Variants in TTC14 observed in about 807,000 individuals in gnomAD.
TTC14 encodes the protein tetratricopeptide repeat domain 14.
A neutral mutation model predicts 79.9 loss-of-function variants in TTC14; 63 were observed. That is an observed-to-expected ratio of 0.79 (90% CI 0.64 to 0.97). The LOEUF is 0.97. Among genes scored for constraint, TTC14 ranks in the 50% least tolerant of loss-of-function variants. TTC14 has a pLI of 0.00. For missense variants in TTC14, 895 were observed against 894.0 expected, an observed-to-expected ratio of 1.00 and a Z score of -0.01; for synonymous variants, 335 against 309.6, an observed-to-expected ratio of 1.08 and a Z score of -0.86.
At chr3:180,606,394 T>C (rs1437783252) in intron 8 of TTC14, 22 bp downstream of exon 8, 2 of 1,613,718 alleles carry the variant, frequency 1.2e-6, no homozygotes, top group Non-Finnish European at 1.7e-6. Context: ...ATACATGGAT[T>C]TTAAGGAATG....
chr3:180,609,065 A>G, intron 11 of TTC14: 1 of 939,510 alleles, frequency 1.1e-6, no homozygotes, highest in Non-Finnish European at 1.3e-6. Context: ...ATTATGTTTT[A>G]GGAAGAAATA....
Position 180,602,664 on chromosome 3 carries a change from C to T in TTC14, c.162-227C>T, listed in dbSNP as rs932510191. 22 of 705,680 alleles carry T rather than the reference C, an allele frequency of 3.1e-5. No homozygotes were observed. The African/African-American group carries it at 3.6e-4, about 12-fold the overall frequency. The allele number at this position is 705,680 out of a possible 1,614,324, so 43.7% of individuals were successfully genotyped here. On this transcript the variant is annotated intron_variant, in intron 1 of 11. Coordinates refer to ENST00000296015, the MANE Select transcript of TTC14 (RefSeq NM_133462.4). ...GGCGCAGATTCCTTAGCTAAAAATC[C>T]CTTGAGCTTTCCTATCTGAGTTGGA...
At chr3:180,614,235 G>A (rs559363718), downstream of TTC14, 1 of 160,104 alleles carries the variant, frequency 6.2e-6, no homozygotes, top group East Asian at 1.8e-4. Context: ...TTTATACTTG[G>A]TTGGCTGTAT....
intron 7 of TTC14, chr3:180,606,038 C>G (rs568447192): frequency 1.2e-6 from 1 of 833,126 alleles, no homozygotes; most frequent in Non-Finnish European, 1.8e-6. Flanking sequence ...TCAGTTTTCT[C>G]AAAAGGAATT....
intron 12 of TTC14, chr3:180,616,623 T>C: frequency 6.3e-7 from 1 of 1,596,010 alleles, no homozygotes; most frequent in Non-Finnish European, 8.5e-7. Flanking sequence ...TCACGAAGTT[T>C]GATGTCTTGT....
chr3:180,604,176 C>G lies in TTC14; in HGVS notation c.487-49C>G. ...AACTAAGATAAAAGAAGACACTGTTCTTATCAAAGCTTGAAATGTCTGGTG... is the reference window on the plus strand; with the variant it reads ...AACTAAGATAAAAGAAGACACTGTTGTTATCAAAGCTTGAAATGTCTGGTG... On this transcript the variant is annotated intron_variant, in intron 3 of 11. Coordinates refer to ENST00000296015, the MANE Select transcript of TTC14 (RefSeq NM_133462.4). 2.0e-6 allele frequency: 3 copies of G among 1,498,562 alleles called. No homozygotes were observed. In the South Asian group the frequency reaches 3.4e-5, roughly 17 times the overall value. 92.8% of individuals were successfully genotyped at this position (1,498,562 alleles called of 1,614,324 possible). A position where few individuals can be genotyped will look rare whatever the true frequency, so the allele number is the denominator to read the frequency against.
chr3:180,605,083 C>A, intron 6 of TTC14, 76 bp downstream of exon 6: 2 of 1,454,310 alleles, frequency 1.4e-6, no homozygotes, highest in East Asian at 4.6e-5. Context: ...AGCTGAAGGA[C>A]GTATTTTACC....
downstream of TTC14, chr3:180,613,683 T>G: frequency 2.9e-6 from 1 of 345,892 alleles, no homozygotes; most frequent in South Asian, 2.3e-5. Context: ...ACTTCAAGTT[T>G]TAAGTAATTC....
At chr3:180,605,127 A>C (rs999494815) in intron 6 of TTC14, 120 bp downstream of exon 6, 2 of 916,502 alleles carry the variant, frequency 2.2e-6, no homozygotes, top group Non-Finnish European at 3.2e-6. Flanking sequence ...CATATGCCAA[A>C]GGTTGAATGA....
Position 180,609,930 on chromosome 3 carries a change from A to G in TTC14, c.1701A>G (p.Glu567=), listed in dbSNP as rs199745232. The G allele has an allele frequency of 6.2e-7, 1 of 1,614,086 alleles. No individual in the cohort carries two copies. The highest frequency in any genetic ancestry group is 8.5e-7 in the Non-Finnish European group (1 of 1,179,958). ...GGAAGCAGGATAGGTTACAGTATGA[A>G]AAGACACAGATAAAAGAGAAAGATA... The part of the protein sequence containing the change: ...LLGKQDRLQY[E]KTQIKEKDRC... The change falls in exon 12 of 12, where the codon GAA becomes GAG. Residue 567 remains glutamate, a synonymous_variant. Transcript: ENST00000296015.
At chr3:180,606,997 ATAGCAATAC>A (rs1716735896) in intron 9 of TTC14, among the ~76,000 whole-genome samples, 1 of 152,198 alleles carries the variant, frequency 6.6e-6, no homozygotes, top group South Asian at 2.1e-4. Context: ...AGCTGAGTGA[ATAGCAATAC>A]CCTGTAGTTA....
Position 180,609,753 on chromosome 3 carries a change from C to T in TTC14, c.1524C>T (p.Asn508=), listed in dbSNP as rs1560075420. The T allele has an allele frequency of 1.9e-6, 3 of 1,613,816 alleles. No individual in the cohort carries two copies. Among genetic ancestry groups the T allele is most frequent in the South Asian group, 1.1e-5 (1 of 91,062 alleles). Residue 508 remains asparagine (N), a synonymous_variant, in exon 12 of 12, where the codon AAC becomes AAT. Coordinates refer to ENST00000296015, the MANE Select transcript of TTC14 (RefSeq NM_133462.4). ...GHKRHKKHKR[N]RSESSRSSRR... is the part of the protein sequence containing the mutation. The stretch of plus-strand genomic sequence containing the variant: ...AAAGGCATAAGAAACATAAGAGGAA[C>T]CGTTCAGAGTCTTCTCGCAGTTCCA...
chr3:180,612,303 C>A (rs943898599), downstream of TTC14, among the ~76,000 whole-genome samples: 2 of 152,054 alleles, frequency 1.3e-5, no homozygotes, highest in African/African-American at 4.8e-5. Flanking sequence ...AAGGGGTACA[C>A]ATGCATTTTT....
chr3:180,605,982 AG>A (rs1303718700), intron 7 of TTC14, 145 bp downstream of exon 7: 2 of 910,446 alleles, frequency 2.2e-6, no homozygotes, highest in African/African-American at 3.4e-5. Context: ...TATAGATGTA[AG>A]TAGTCTTACA....
intron 11 of TTC14, 121 bp from the exon 12 acceptor site, chr3:180,609,509 T>A: frequency 3.0e-6 from 4 of 1,336,528 alleles, no homozygotes; most frequent in Non-Finnish European, 3.8e-6. Context: ...GAGATTATTG[T>A]ATCATTTATC....
At chr3:180,604,646 A>G (rs1165024087) in intron 5 of TTC14, 39 bp downstream of exon 5, 3 of 1,577,042 alleles carry the variant, frequency 1.9e-6, no homozygotes, top group East Asian at 2.2e-5. Context: ...GTTCATTACA[A>G]AAGTCTCTTG....
chr3:180,606,227 TG>T (rs1716674738), intron 7 of TTC14, 25 bp from the exon 8 acceptor site: 1 of 1,612,108 alleles, frequency 6.2e-7, no homozygotes, highest in African/African-American at 1.3e-5. Flanking sequence ...GAAGTGTTTG[TG>T]ATGCTTTACA....
chr3:180,612,686 C>T (rs982445946), downstream of TTC14, among the ~76,000 whole-genome samples: 2 of 152,172 alleles, frequency 1.3e-5, no homozygotes, highest in African/African-American at 4.8e-5. Flanking sequence ...GCAGTGAGCT[C>T]TGATTGTGCC....
rs1189245120 is a variant in TTC14 at position 180,602,922 on chromosome 3, C to T, written c.193C>T (p.Gln65Ter). ...KEKRVDNIEI[Q>*]KFISKKADLL... ...GAAGAGAGTTGACAACATCGAGATA[C>T]AGAAATTCATCTCCAAAAAAGCGGA... The change falls in exon 2 of 12, where the codon CAG (glutamine) becomes TAG (stop). Residue 65 changes from glutamine (Q) to a stop codon, truncating the protein, a stop_gained. Transcript: ENST00000296015. LOFTEE classifies it high-confidence loss of function. The T allele has an allele frequency of 6.2e-7, 1 of 1,613,188 alleles. No homozygotes were observed. The highest frequency in any genetic ancestry group is 8.5e-7 in the Non-Finnish European group (1 of 1,179,788).
Sources: allele counts gnomAD v4.1 joint callset (sites outside exome capture counted in the v4.1 genomes callset), GRCh38; gene constraint gnomAD v4.1.1; transcripts MANE v1.5; gene names NCBI Gene and HGNC (gene_info 2026-07-23, HGNC 2026-07-21).